PIWIL3: variants seen among roughly 807,000 people sequenced by gnomAD.
The protein encoded by PIWIL3 is piwi like RNA-mediated gene silencing 3.
PIWIL3 carries 101 observed loss-of-function variants against 109.7 expected under a neutral mutation model. That is an observed-to-expected ratio of 0.92 (90% CI 0.78 to 1.09). The LOEUF (loss-of-function observed/expected upper bound fraction) is 1.09, where lower values mean the gene tolerates loss of function less well. PIWIL3 is among the 50% of genes least tolerant of loss of function. PIWIL3 has a pLI of 0.00. For missense variants in PIWIL3, 1,031 were observed against 1,072.6 expected (o/e 0.96, Z 0.54); for synonymous variants, 373 against 376.4 (o/e 0.99, Z 0.10).
intron 1 of PIWIL3, among the ~76,000 whole-genome samples, chr22:24,763,148 C>CT (rs11288934): frequency 0.017 from 2,389 of 141,658 alleles, 24 homozygotes; most frequent in South Asian, 0.028. Flanking sequence ...ACTTTTTTTT[C>CT]TTTTTTTTTT....
chr22:24,738,815 C>T (rs1923816142), intron 12 of PIWIL3, among the ~76,000 whole-genome samples: 1 of 152,086 alleles, frequency 6.6e-6, no homozygotes, highest in African/African-American at 2.4e-5. Context: ...TGCCCAAACA[C>T]TCATCAACTT....
At chr22:24,765,729 A>G (rs1193349855) in intron 1 of PIWIL3, among the ~76,000 whole-genome samples, 1 of 151,584 alleles carries the variant, frequency 6.6e-6, no homozygotes, top group Admixed American at 6.6e-5. Flanking sequence ...GAAAGATTTT[A>G]TTGTATAAAA....
rs758843511 is a variant in PIWIL3 at position 24,723,275 on chromosome 22, G to C, written c.2232-20C>G. 2 of 1,600,254 alleles carry C rather than the reference G, an allele frequency of 1.2e-6. No individual in the cohort carries two copies. The highest frequency in any genetic ancestry group is 1.7e-6 in the Non-Finnish European group (2 of 1,171,792). On this transcript the variant is annotated intron_variant, in intron 18 of 20. Coordinates refer to ENST00000616349, the MANE Select transcript of PIWIL3 (RefSeq NM_001255975.1). ...GTGAAACTTAAAAAAATTAGGGTAA[G>C]TGTCACTATGTTTACTCAGTCTTAC...
chr22:24,748,992 A>G lies in PIWIL3; in HGVS notation c.1364T>C (p.Leu455Pro). The change falls in exon 12 of 21, where the codon CTC becomes CCC. Residue 455 changes from leucine to proline, a missense_variant. Transcript: ENST00000616349. ...ATTGGTATCAAATTTCAAATCCCAG[A>G]GTTGAAGTAACTCTCGTACTTTTTT... ...DNKKVRELLQ[L>P]WDLKFDTNFL... is the part of the protein sequence containing the mutation. The G allele has an allele frequency of 6.2e-7, 1 of 1,613,460 alleles. No individual in the cohort carries two copies. The highest frequency in any genetic ancestry group is 8.5e-7 in the Non-Finnish European group (1 of 1,179,768).
At chr22:24,755,076 G>A (rs1225637917) in intron 6 of PIWIL3, among the ~76,000 whole-genome samples, 1 of 152,124 alleles carries the variant, frequency 6.6e-6, no homozygotes, top group Admixed American at 6.5e-5. Flanking sequence ...TTGTAGAAAG[G>A]TTACCAAAAT....
chr22:24,736,765 G>T (rs939265863), intron 12 of PIWIL3, among the ~76,000 whole-genome samples: 2 of 152,240 alleles, frequency 1.3e-5, no homozygotes, highest in Non-Finnish European at 2.9e-5. Context: ...GCAGTTGGGA[G>T]AGGGAGAGCA....
At chr22:24,773,655 TAA>T (rs151033910) in intron 1 of PIWIL3, among the ~76,000 whole-genome samples, 135 of 152,150 alleles carry the variant, frequency 8.9e-4, no homozygotes, top group African/African-American at 2.9e-3. Context: ...TAAAATATAT[TAA>T]GTTTTTAAAA....
intron 4 of PIWIL3, among the ~76,000 whole-genome samples, chr22:24,757,310 T>A (rs183418383): frequency 1.0e-3 from 156 of 151,918 alleles, no homozygotes; most frequent in African/African-American, 3.5e-3. Context: ...TATTTAATTT[T>A]AAAAAAAGTC....
intron 17 of PIWIL3, 55 bp downstream of exon 17, chr22:24,725,390 T>C: frequency 6.3e-7 from 1 of 1,594,116 alleles, no homozygotes; most frequent in Non-Finnish European, 8.6e-7. Context: ...GTAAGTCCAT[T>C]GGTGGAGAAC....
intron 14 of PIWIL3, among the ~76,000 whole-genome samples, chr22:24,732,816 C>CA (rs775125377): frequency 9.0e-4 from 134 of 149,598 alleles, no homozygotes; most frequent in Middle Eastern, 3.4e-3. Context: ...GACTCTGTCT[C>CA]AAAAAAAAAG....
At chr22:24,733,321 T>A (rs1923467149) in intron 14 of PIWIL3, among the ~76,000 whole-genome samples, 1 of 151,614 alleles carries the variant, frequency 6.6e-6, no homozygotes, top group South Asian at 2.1e-4. Flanking sequence ...GCTGTAGTAA[T>A]TCAGATACAA....
chr22:24,741,359 G>A (rs947032181), intron 12 of PIWIL3, among the ~76,000 whole-genome samples: 18 of 152,164 alleles, frequency 1.2e-4, no homozygotes, highest in Non-Finnish European at 1.8e-4. Flanking sequence ...CTAAAAATTA[G>A]CCGGGCCTGG....
At chr22:24,757,859 AAG>A (rs1301538872) in intron 4 of PIWIL3, 47 bp downstream of exon 4, 2 of 1,512,656 alleles carry the variant, frequency 1.3e-6, no homozygotes, top group South Asian at 1.3e-5. Context: ...AAAAAAAAAA[AAG>A]TTAAAAACGA....
chr22:24,725,639 T>C (rs547213576), intron 16 of PIWIL3, 124 bp from the exon 17 acceptor site: 4 of 933,182 alleles, frequency 4.3e-6, no homozygotes, highest in East Asian at 2.5e-5. Flanking sequence ...TCAATTCATA[T>C]CTCTACGGAG....
intron 16 of PIWIL3, 41 bp downstream of exon 16, chr22:24,727,909 A>C: frequency 6.7e-7 from 1 of 1,493,530 alleles, no homozygotes; most frequent in Non-Finnish European, 9.2e-7. Context: ...TTTGGTCCAC[A>C]GTCAGCTACT....
chr22:24,769,488 T>G (rs2147734073), intron 1 of PIWIL3, among the ~76,000 whole-genome samples: 1 of 152,260 alleles, frequency 6.6e-6, no homozygotes, highest in South Asian at 2.1e-4. Flanking sequence ...GGCGGGCACC[T>G]GTAGTCCCAG....
chr22:24,751,658 G>A (rs1007730396), intron 8 of PIWIL3, among the ~76,000 whole-genome samples, 160 bp from the exon 9 acceptor site: 38 of 152,152 alleles, frequency 2.5e-4, no homozygotes, highest in Admixed American at 2.0e-3. Context: ...CTGAGCATAC[G>A]ATCACCTGGT....
At chr22:24,753,969 G>T in intron 8 of PIWIL3, 45 bp downstream of exon 8, 1 of 1,485,970 alleles carries the variant, frequency 6.7e-7, no homozygotes, top group Non-Finnish European at 9.4e-7. Flanking sequence ...GGTGGGGGAA[G>T]GGGGAGTTAA....
At chr22:24,731,575 C>T (rs1023099981) in intron 14 of PIWIL3, among the ~76,000 whole-genome samples, 2 of 151,234 alleles carry the variant, frequency 1.3e-5, no homozygotes, top group Non-Finnish European at 2.9e-5. Flanking sequence ...GGCATGAACC[C>T]GGGAGGCGGA....
Sources: allele counts gnomAD v4.1 joint callset (sites outside exome capture counted in the v4.1 genomes callset), GRCh38; gene constraint gnomAD v4.1.1; transcripts MANE v1.5; gene names NCBI Gene and HGNC (gene_info 2026-07-23, HGNC 2026-07-21).